The following SORCS2 variants were observed in gnomAD, a reference collection of about 807,000 sequenced individuals.
The protein encoded by SORCS2 is VPS10 domain-containing receptor SorCS2.
SORCS2 carries 100 observed loss-of-function variants against 141.6 expected under a neutral mutation model. The observed-to-expected ratio is 0.71, with a 90% CI of 0.60 to 0.83. The LOEUF (loss-of-function observed/expected upper bound fraction) is 0.83. SORCS2 is among the 40% of genes least tolerant of loss of function. The pLI is 0.00. For synonymous variants in SORCS2, 789 were observed against 676.9 expected, an observed-to-expected ratio of 1.17 and a Z score of -2.57; for missense variants, 1,646 against 1,560.2, an observed-to-expected ratio of 1.05 and a Z score of -0.93.
intron 3 of SORCS2, among the ~76,000 whole-genome samples, chr4:7,538,969 C>G (rs1198710933): frequency 6.6e-6 from 1 of 152,218 alleles, no homozygotes; most frequent in African/African-American, 2.4e-5. Flanking sequence ...AAGTTCAGCC[C>G]TGTTCTCTAA....
chr4:7,295,259 G>A (rs190521551), intron 1 of SORCS2, among the ~76,000 whole-genome samples: 73 of 120,330 alleles, frequency 6.1e-4, no homozygotes, highest in Non-Finnish European at 5.7e-4. Flanking sequence ...CATTATGGCC[G>A]CCCACACAAT....
intron 1 of SORCS2, among the ~76,000 whole-genome samples, chr4:7,262,598 T>C (rs1200099248): frequency 1.3e-5 from 2 of 152,136 alleles, no homozygotes; most frequent in African/African-American, 4.8e-5. Context: ...ATAGGTTCTA[T>C]TAGGGAAATA....
chr4:7,366,056 G>C (rs1008582778), intron 1 of SORCS2, among the ~76,000 whole-genome samples: 1 of 152,150 alleles, frequency 6.6e-6, no homozygotes, highest in Non-Finnish European at 1.5e-5. Flanking sequence ...GTCAGCGCAG[G>C]CACCTCAGTT....
intron 26 of SORCS2, among the ~76,000 whole-genome samples, chr4:7,737,387 AT>A (rs1303461881): frequency 6.6e-6 from 1 of 152,020 alleles, no homozygotes; most frequent in East Asian, 1.9e-4. Context: ...CAGAGATGAA[AT>A]CTGAGACATG....
intron 1 of SORCS2, among the ~76,000 whole-genome samples, chr4:7,358,827 T>A (rs1721415860): frequency 1.3e-5 from 2 of 152,252 alleles, no homozygotes; most frequent in South Asian, 4.1e-4. Flanking sequence ...GTTACCACTA[T>A]GTTTTTATTT....
chr4:7,583,069 A>G (rs1428883678), intron 3 of SORCS2, among the ~76,000 whole-genome samples: 1 of 152,170 alleles, frequency 6.6e-6, no homozygotes, highest in East Asian at 1.9e-4. Flanking sequence ...ACGGGCTGAA[A>G]CCCAAGTCTA....
At chr4:7,250,079 T>C in intron 1 of SORCS2, among the ~76,000 whole-genome samples, 1 of 152,102 alleles carries the variant, frequency 6.6e-6, no homozygotes, top group East Asian at 1.9e-4. Flanking sequence ...CCATCTCTAC[T>C]AAAAATACAA....
chr4:7,429,154 G>A (rs62277597), intron 2 of SORCS2, among the ~76,000 whole-genome samples: 1 of 152,188 alleles, frequency 6.6e-6, no homozygotes, highest in South Asian at 2.1e-4. Context: ...GTGTGCATGG[G>A]GTTGGGCCGG....
chr4:7,551,018 C>T (rs753179687), intron 3 of SORCS2, among the ~76,000 whole-genome samples: 23 of 152,152 alleles, frequency 1.5e-4, no homozygotes, highest in African/African-American at 3.1e-4. Flanking sequence ...GTGCAGTGAC[C>T]GCTAGTGCCT....
In SORCS2 at chr4:7,473,260, G is replaced by A. The variant is rs143299261; in HGVS notation, c.549-58270G>A. Among the ~76,000 whole-genome samples, 273 of 152,298 alleles carry A rather than the reference G, an allele frequency of 1.8e-3. 3 individuals carry two copies. Among genetic ancestry groups the A allele is most frequent in the African/African-American group, 6.3e-3 (261 of 41,570 alleles). On this transcript the variant is annotated intron_variant, in intron 2 of 26. Transcript: ENST00000507866. ...GCTCGGGCTGCAGCCGGGAGCCTGC[G>A]GGGTGGGTCTGCCCATGCGGGAGGG...
chr4:7,314,719 TCTTGTCACTTGGCTTTG>T (rs918394273), intron 1 of SORCS2, among the ~76,000 whole-genome samples: 22 of 151,554 alleles, frequency 1.5e-4, no homozygotes, highest in African/African-American at 4.4e-4. Flanking sequence ...AGGGACCAGG[TCTTGTCACTTGGCTTTG>T]CTGTGACCAC....
At chr4:7,675,866 G>A (rs1723068841) in intron 8 of SORCS2, among the ~76,000 whole-genome samples, 184 bp from the exon 9 acceptor site, 1 of 152,192 alleles carries the variant, frequency 6.6e-6, no homozygotes, top group Non-Finnish European at 1.5e-5. Context: ...GCCCAAGGAG[G>A]TGAGGAGACT....
At chr4:7,299,705 G>T (rs1389067669) in intron 1 of SORCS2, among the ~76,000 whole-genome samples, 1 of 152,168 alleles carries the variant, frequency 6.6e-6, no homozygotes, top group Non-Finnish European at 1.5e-5. Context: ...GGGAAGCCGT[G>T]GTCCAGGCCT....
chr4:7,200,251 C>T (rs953142862), intron 1 of SORCS2, among the ~76,000 whole-genome samples: 2 of 152,130 alleles, frequency 1.3e-5, no homozygotes, highest in Non-Finnish European at 2.9e-5. Flanking sequence ...GATTCCCAGC[C>T]GGACCCAGGG....
intron 14 of SORCS2, 22 bp from the exon 15 acceptor site, chr4:7,712,711 T>C (rs1223263156): frequency 6.2e-7 from 1 of 1,613,748 alleles, no homozygotes; most frequent in South Asian, 1.1e-5. Flanking sequence ...TTTCTCTCCC[T>C]TCCCTCCTCT....
intron 2 of SORCS2, among the ~76,000 whole-genome samples, chr4:7,505,896 GA>G (rs1732248938): frequency 6.6e-6 from 1 of 152,232 alleles, no homozygotes. Context: ...ACAAAACTGA[GA>G]ATCAGGCCTG....
At chr4:7,345,142 A>T (rs1213499890) in intron 1 of SORCS2, among the ~76,000 whole-genome samples, 1 of 152,264 alleles carries the variant, frequency 6.6e-6, no homozygotes, top group East Asian at 1.9e-4. Context: ...GCTGGGCCCC[A>T]ATTTTCAAAG....
intron 1 of SORCS2, among the ~76,000 whole-genome samples, chr4:7,301,467 C>T (rs1717424465): frequency 6.6e-6 from 1 of 152,232 alleles, no homozygotes; most frequent in South Asian, 2.1e-4. Context: ...AAGTTCTCAG[C>T]AGCTGTCTTT....
chr4:7,463,963 C>T (rs147175096), intron 2 of SORCS2, among the ~76,000 whole-genome samples: 77 of 152,266 alleles, frequency 5.1e-4, no homozygotes, highest in African/African-American at 1.7e-3. Context: ...GACGTTGGAT[C>T]GAGAATTGGC....
Sources: gnomAD v4.1 joint callset for allele counts (sites outside exome capture counted in the v4.1 genomes callset) on GRCh38, gnomAD v4.1.1 for gene constraint, MANE v1.5 for transcripts, NCBI Gene and HGNC (gene_info 2026-07-23, HGNC 2026-07-21) for gene names.